USH2A: variants seen among roughly 807,000 people sequenced by gnomAD.
USH2A encodes the protein Usher syndrome 2A (autosomal recessive, mild).
Under a neutral mutation model 538.9 loss-of-function variants are expected in USH2A, and 443 were observed. The ratio of observed to expected loss-of-function variants is 0.82; its 90% CI spans 0.76 to 0.89. The LOEUF (loss-of-function observed/expected upper bound fraction) is 0.89, where lower values mean the gene tolerates loss of function less well. Ranked by LOEUF, USH2A falls within the 40% of genes least tolerant of loss-of-function variation. The pLI, the probability that USH2A is intolerant of heterozygous loss-of-function variation, is 0.00. For missense variants in USH2A, 6,633 were observed against 6,324.8 expected, an observed-to-expected ratio of 1.05 and a Z score of -1.65; for synonymous variants, 2,413 against 2,273.5, an observed-to-expected ratio of 1.06 and a Z score of -1.75.
intron 22 of USH2A, among the ~76,000 whole-genome samples, chr1:216,089,909 G>C (rs1207893939): frequency 6.6e-6 from 1 of 151,754 alleles, no homozygotes; most frequent in Non-Finnish European, 1.5e-5. Context: ...TGTTATAGTA[G>C]CCTTGGTTAC....
intron 21 of USH2A, among the ~76,000 whole-genome samples, chr1:216,158,809 C>T (rs1358874542): frequency 2.6e-5 from 4 of 152,114 alleles, no homozygotes; most frequent in Admixed American, 1.3e-4. Context: ...GGAAGACTTG[C>T]TATTTAACAA....
chr1:216,251,233 C>A, intron 11 of USH2A, 135 bp from the exon 12 acceptor site: 1 of 850,714 alleles, frequency 1.2e-6, no homozygotes, highest in Non-Finnish European at 1.9e-6. Context: ...AGATATTTTT[C>A]CTCTTGACAC....
chr1:216,378,229 A>G (rs974444376), intron 3 of USH2A, among the ~76,000 whole-genome samples: 5 of 152,196 alleles, frequency 3.3e-5, no homozygotes, highest in Admixed American at 1.3e-4. Context: ...AAAGGTGAGA[A>G]TGACTAAAGT....
chr1:215,628,284 G>A (rs548921033), intron 71 of USH2A, among the ~76,000 whole-genome samples: 2 of 151,922 alleles, frequency 1.3e-5, no homozygotes, highest in Non-Finnish European at 2.9e-5. Flanking sequence ...CCTGTTTGCT[G>A]CTTATTTATT....
intron 47 of USH2A, among the ~76,000 whole-genome samples, chr1:215,829,299 T>C (rs1003571116): frequency 6.6e-6 from 1 of 152,158 alleles, no homozygotes; most frequent in African/African-American, 2.4e-5. Flanking sequence ...TAAGGGCTTG[T>C]ACTGCTGAAG....
At chr1:215,819,146 A>G (rs4129020) in intron 47 of USH2A, among the ~76,000 whole-genome samples, 44 of 151,878 alleles carry the variant, frequency 2.9e-4, no homozygotes, top group Non-Finnish European at 6.0e-4. Flanking sequence ...GAATAAAGCA[A>G]GCACATAAGA....
intron 44 of USH2A, among the ~76,000 whole-genome samples, chr1:215,863,466 G>T (rs114366195): frequency 6.6e-6 from 1 of 152,316 alleles, no homozygotes; most frequent in African/African-American, 2.4e-5. Context: ...TATACTTCTA[G>T]CTATCAAACC....
chr1:215,907,264 G>A (rs879486892), intron 38 of USH2A, among the ~76,000 whole-genome samples: 15 of 152,050 alleles, frequency 9.9e-5, no homozygotes, highest in South Asian at 4.1e-4. Flanking sequence ...AGTGCATATG[G>A]TTGGTCATGC....
intron 11 of USH2A, among the ~76,000 whole-genome samples, chr1:216,276,657 C>T (rs1366860589): frequency 6.6e-6 from 1 of 152,092 alleles, no homozygotes; most frequent in Admixed American, 6.6e-5. Flanking sequence ...GTTTGTTGGA[C>T]TTACAGTTCC....
intron 61 of USH2A, among the ~76,000 whole-genome samples, chr1:215,722,229 ATTATTT>A (rs1659685459): frequency 6.6e-6 from 1 of 152,176 alleles, no homozygotes; most frequent in Non-Finnish European, 1.5e-5. Flanking sequence ...AAATATGATA[ATTATTT>A]TTATTACTGA....
intron 19 of USH2A, among the ~76,000 whole-genome samples, chr1:216,195,045 T>C (rs1204024663): frequency 6.6e-6 from 1 of 152,154 alleles, no homozygotes; most frequent in Non-Finnish European, 1.5e-5. Flanking sequence ...ATGGAAACTA[T>C]ATACCATTTG....
At position 216,099,537 on chromosome 1, in the gene USH2A, A is replaced by C. The variant is rs185712170; in HGVS notation, c.4628-2324T>G. ...TTTTCAAAATTGAGACTAAGGCAAC[A>C]AAATTCATGATGAAATGTAGGGAGG... On this transcript the variant is annotated intron_variant, in intron 21 of 71. Transcript: ENST00000307340. Among the ~76,000 whole-genome samples the C allele has an allele frequency of 2.0e-5, 3 of 152,326 alleles. No individual in the cohort carries two copies. The East Asian group carries it at 5.8e-4, about 29-fold the overall frequency.
Position 215,671,065 on chromosome 1 carries a change from C to T in USH2A, c.14040G>A (p.Gln4680=), listed in dbSNP as rs2102661268. 1.2e-6 allele frequency: 2 copies of T among 1,614,158 alleles called. No individual in the cohort carries two copies. Among genetic ancestry groups the T allele is most frequent in the South Asian group, 1.1e-5 (1 of 91,086 alleles). Residue 4680 remains glutamine (Q), a synonymous_variant, in exon 64 of 72, where the codon CAG becomes CAA. Transcript: ENST00000307340. Reference sequence around the variant, plus strand: ...TTAGGACTGGATTGGATTTTCTAGGCTGAGTTGCTATTTGTCTTCTGTATA... The same window carrying T: ...TTAGGACTGGATTGGATTTTCTAGGTTGAGTTGCTATTTGTCTTCTGTATA... ...YELYRRQIAT[Q]PRKSNPVLIY... is the part of the protein sequence containing the mutation.
chr1:216,078,174 C>T lies in USH2A; in HGVS notation c.5487G>A (p.Gln1829=), dbSNP rs1389147654. The T allele has an allele frequency of 1.2e-6, 2 of 1,613,712 alleles. No individual in the cohort carries two copies. The highest frequency in any genetic ancestry group is 1.7e-5 in the Admixed American group (1 of 59,938). ...LMKHASESGD[Q]PLVVNSPVYV... is the part of the protein sequence containing the mutation. ...AAACTGGTGAATTCACCACCAGTGGCTGGTCTCCGGACTCCGATGCATGCT... is the reference window on the plus strand; with the variant it reads ...AAACTGGTGAATTCACCACCAGTGGTTGGTCTCCGGACTCCGATGCATGCT... Residue 1829 remains glutamine (Q), a synonymous_variant, in exon 27 of 72, where the codon CAG becomes CAA. Transcript: ENST00000307340.
rs149970429 is a variant in USH2A, at chr1:216,074,195, T to C, written c.5573-895A>G. On this transcript the variant is annotated intron_variant, in intron 27 of 71. Coordinates refer to ENST00000307340, the MANE Select transcript of USH2A (RefSeq NM_206933.4). Reference sequence around the variant, plus strand: ...CATCCAGTTAGCCAGGGAATAGCAGTGGCTTTGAATTACATGCTATTTTGT... The same window carrying C: ...CATCCAGTTAGCCAGGGAATAGCAGCGGCTTTGAATTACATGCTATTTTGT... Among the ~76,000 whole-genome samples, 36 of 152,332 alleles carry C rather than the reference T, an allele frequency of 2.4e-4. No homozygotes were observed. The East Asian group carries it at 6.8e-3, about 29-fold the overall frequency.
At chr1:216,325,896 T>C (rs1449347852) in intron 5 of USH2A, among the ~76,000 whole-genome samples, 2 of 152,218 alleles carry the variant, frequency 1.3e-5, no homozygotes. Flanking sequence ...CACAATATTT[T>C]ACCGTGTCTA....
intron 49 of USH2A, among the ~76,000 whole-genome samples, chr1:215,812,002 T>TTTTTTTTA (rs1662706681): frequency 7.0e-6 from 1 of 141,884 alleles, no homozygotes; most frequent in African/African-American, 2.6e-5. Flanking sequence ...TTTTTTTTTT[T>TTTTTTTTA]GAGACAGAGT....
intron 55 of USH2A, among the ~76,000 whole-genome samples, chr1:215,768,437 A>G (rs1661191222): frequency 6.6e-6 from 1 of 151,514 alleles, no homozygotes; most frequent in Non-Finnish European, 1.5e-5. Context: ...CTGCAGCTGG[A>G]GCTGCTCCAA....
chr1:216,169,033 CTT>C (rs1472941913), intron 21 of USH2A, among the ~76,000 whole-genome samples: 1 of 152,102 alleles, frequency 6.6e-6, no homozygotes, highest in Non-Finnish European at 1.5e-5. Context: ...GAATTAAACT[CTT>C]TCTCTATTGC....
Sources: allele counts gnomAD v4.1 joint callset (sites outside exome capture counted in the v4.1 genomes callset), GRCh38; gene constraint gnomAD v4.1.1; transcripts MANE v1.5; gene names NCBI Gene and HGNC (gene_info 2026-07-23, HGNC 2026-07-21).